Variants in SMAD6 observed in about 807,000 individuals in gnomAD.
SMAD6 encodes the protein MAD homolog 6.
A neutral mutation model predicts 39.4 loss-of-function variants in SMAD6; 103 were observed. The ratio of observed to expected loss-of-function variants is 2.62; its 90% CI spans 2.23 to 3.08. The LOEUF (loss-of-function observed/expected upper bound fraction) is 3.08. SMAD6 is among the 30% of genes most tolerant of loss of function. The pLI is 0.00. For synonymous variants in SMAD6, 445 were observed against 353.3 expected (o/e 1.26, Z -2.91); for missense variants, 1,104 against 742.9 (o/e 1.49, Z -5.65).
At position 66,703,517 on chromosome 15, in the gene SMAD6, G is replaced by T; in HGVS notation, c.259G>T (p.Gly87Trp). The change falls in exon 1 of 4, where the codon GGG (glycine) becomes TGG (tryptophan). Residue 87 changes from glycine (G) to tryptophan (W), a missense_variant. Transcript: ENST00000288840. Reference sequence around the variant, plus strand: ...GGGCGCGGGGAGGCGCCGGCGCGCAGGGGGCCCCCCGAGGCCCATGTCGGA... The same window carrying T: ...GGGCGCGGGGAGGCGCCGGCGCGCATGGGGCCCCCCGAGGCCCATGTCGGA... ...AQGAGRRRRA[G>W]GPPRPMSEPG... The T allele has an allele frequency of 3.1e-5, 38 of 1,222,274 alleles. No individual in the cohort carries two copies. Among genetic ancestry groups the T allele is most frequent in the Non-Finnish European group, 3.8e-5 (37 of 979,128 alleles). The allele number at this position is 1,222,274 out of a possible 1,614,324, so 75.7% of individuals were successfully genotyped here. A position where few individuals can be genotyped will look rare whatever the true frequency, so the allele number is the denominator to read the frequency against.
rs11554691 is a variant in SMAD6 at position 66,781,505 on chromosome 15, G to A, written c.1461G>A (p.Trp487Ter). 6.4e-7 allele frequency: 1 copy of A among 1,567,518 alleles called. No homozygotes were observed. Among genetic ancestry groups the A allele is most frequent in the Non-Finnish European group, 8.6e-7 (1 of 1,160,382 alleles). The change falls in exon 4 of 4, where the codon TGG (tryptophan) becomes TGA (stop). Residue 487 changes from tryptophan (W) to a stop codon, truncating the protein, a stop_gained. Transcript: ENST00000288840. LOFTEE classifies it high-confidence loss of function. ...AGTTCATCACCTCCTGCCCCTGCTG[G>A]CTGGAGATCCTCCTCAACAACCCCA... is the stretch of plus-strand genomic sequence containing the variant. The part of the protein sequence containing the change: ...SRQFITSCPC[W>*]LEILLNNPR
Position 66,703,520 on chromosome 15 carries a change from G to T in SMAD6, c.262G>T (p.Gly88Cys), listed in dbSNP as rs887913905. 122 of 1,221,260 alleles carry T rather than the reference G, an allele frequency of 1.0e-4. No individual in the cohort carries two copies. The highest frequency in any genetic ancestry group is 1.2e-4 in the Non-Finnish European group (121 of 978,866). The allele number at this position is 1,221,260 out of a possible 1,614,324, so 75.7% of individuals were successfully genotyped here. Reference sequence around the variant, plus strand: ...CGCGGGGAGGCGCCGGCGCGCAGGGGGCCCCCCGAGGCCCATGTCGGAGCC... The same window carrying T: ...CGCGGGGAGGCGCCGGCGCGCAGGGTGCCCCCCGAGGCCCATGTCGGAGCC... ...QGAGRRRRAG[G>C]PPRPMSEPGA... Residue 88 changes from glycine (G) to cysteine (C), a missense_variant, in exon 1 of 4, where the codon GGC becomes TGC. Transcript: ENST00000288840.
intron 3 of SMAD6, among the ~76,000 whole-genome samples, chr15:66,751,431 C>G (rs1894004342): frequency 6.6e-6 from 1 of 152,174 alleles, no homozygotes; most frequent in Non-Finnish European, 1.5e-5. Context: ...CCTTCCCTTC[C>G]AGGCTGATAG....
chr15:66,703,555 C>T lies in SMAD6; in HGVS notation c.297C>T (p.Gly99=). 1 of 1,222,520 alleles carries T rather than the reference C, an allele frequency of 8.2e-7. No individual in the cohort carries two copies. The highest frequency in any genetic ancestry group is 1.0e-6 in the Non-Finnish European group (1 of 979,590). 75.7% of individuals were successfully genotyped at this position (1,222,520 alleles called of 1,614,324 possible). A position where few individuals can be genotyped will look rare whatever the true frequency, so the allele number is the denominator to read the frequency against. Residue 99 remains glycine (G), a synonymous_variant, in exon 1 of 4, where the codon GGC becomes GGT. Coordinates refer to ENST00000288840, the MANE Select transcript of SMAD6 (RefSeq NM_005585.5). ...GGCCCATGTCGGAGCCAGGGGCCGGCGCTGGGAGCTCCCTGCTGGACGTGG... is the reference window on the plus strand; with the variant it reads ...GGCCCATGTCGGAGCCAGGGGCCGGTGCTGGGAGCTCCCTGCTGGACGTGG... ...PPRPMSEPGA[G]AGSSLLDVAE...
At position 66,703,689 on chromosome 15, in the gene SMAD6, C is replaced by T. The variant is rs574652189; in HGVS notation, c.431C>T (p.Pro144Leu). 58 of 1,252,974 alleles carry T rather than the reference C, an allele frequency of 4.6e-5. No individual in the cohort carries two copies. In the African/African-American group the frequency reaches 6.3e-4, roughly 14 times the overall value. The allele number at this position is 1,252,974 out of a possible 1,614,324, so 77.6% of individuals were successfully genotyped here. A position where few individuals can be genotyped will look rare whatever the true frequency, so the allele number is the denominator to read the frequency against. ...GGCGCGCCCCGGGACGCCAGCGACC[C>T]CCTGGCCGGGGCGGCCCTGGAGCCG... ...AAGAPRDASD[P>L]LAGAALEPAG... The change falls in exon 1 of 4, where the codon CCC becomes CTC. Residue 144 changes from proline (P) to leucine (L), a missense_variant. Pro to Leu is a moderately conservative substitution (Grantham distance 98). Transcript: ENST00000288840.
At chr15:66,711,573 G>GT (rs1302153729) in intron 1 of SMAD6, 95 bp from the exon 2 acceptor site, 1 of 981,064 alleles carries the variant, frequency 1.0e-6, no homozygotes, top group African/African-American at 1.6e-5. Flanking sequence ...TGGAGGCTGA[G>GT]TTTATTATTT....
chr15:66,752,961 CA>C (rs1250563601), intron 3 of SMAD6, among the ~76,000 whole-genome samples: 5 of 152,084 alleles, frequency 3.3e-5, no homozygotes, highest in African/African-American at 1.2e-4. Flanking sequence ...TACAGGGGGA[CA>C]AGGGTAACAT....
chr15:66,708,565 G>A (rs1313499251), intron 1 of SMAD6: 5 of 364,352 alleles, frequency 1.4e-5, no homozygotes, highest in Admixed American at 6.8e-5. Context: ...TGGTACGTCC[G>A]AAGAATGGAA....
intron 3 of SMAD6, among the ~76,000 whole-genome samples, chr15:66,732,182 C>T (rs889754213): frequency 2.0e-5 from 3 of 152,142 alleles, no homozygotes; most frequent in African/African-American, 2.4e-5. Context: ...TGGTTTCAAG[C>T]GATCTGCCCA....
At chr15:66,721,103 A>C (rs1237439831) in intron 3 of SMAD6, among the ~76,000 whole-genome samples, 1 of 152,084 alleles carries the variant, frequency 6.6e-6, no homozygotes, top group Non-Finnish European at 1.5e-5. Flanking sequence ...TGCATTGTGT[A>C]AGTTGGCAGA....
rs375094576 is a variant in SMAD6 at position 66,764,186 on chromosome 15, C to T, written c.953-16811C>T. Among the ~76,000 whole-genome samples the T allele has an allele frequency of 9.9e-5, 15 of 152,274 alleles. No individual in the cohort carries two copies. In the East Asian group the frequency reaches 1.5e-3, roughly 16 times the overall value. On this transcript the variant is annotated intron_variant, in intron 3 of 3. Transcript: ENST00000288840. Reference sequence around the variant, plus strand: ...TAGAGGTCATGCAGAGATCTGCTTTCGAGAGCAGATAAGAGCGATTTGTAA... The same window carrying T: ...TAGAGGTCATGCAGAGATCTGCTTTTGAGAGCAGATAAGAGCGATTTGTAA...
chr15:66,731,818 CA>C lies in SMAD6; in HGVS notation c.952+15321del, dbSNP rs749253741. 1.5e-4 allele frequency among the ~76,000 whole-genome samples: 23 copies of C among 152,274 alleles called. 1 individual carries two copies. Among genetic ancestry groups the C allele is most frequent in the Non-Finnish European group, 3.1e-4 (21 of 68,026 alleles). ...GCACTGCTTTCCGAAGTGGTTGTACCATTTTGCAATCCCAACAGCAGTATAT... is the reference window on the plus strand; with the variant it reads ...GCACTGCTTTCCGAAGTGGTTGTACCTTTTGCAATCCCAACAGCAGTATAT... On this transcript the variant is annotated intron_variant, in intron 3 of 3. Coordinates refer to ENST00000288840, the MANE Select transcript of SMAD6 (RefSeq NM_005585.5).
chr15:66,706,366 C>T (rs993942469), intron 1 of SMAD6: 1 of 152,314 alleles, frequency 6.6e-6, no homozygotes, highest in Non-Finnish European at 1.5e-5. Context: ...AGTCTCCTCC[C>T]TTTTCTTTGC....
chr15:66,780,894 T>C, intron 3 of SMAD6, 103 bp from the exon 4 acceptor site: 2 of 1,208,866 alleles, frequency 1.7e-6, no homozygotes, highest in African/African-American at 1.5e-5. Flanking sequence ...CTGGAAACCT[T>C]ACCCAGCTCC....
rs1436851649 is a variant in SMAD6, at chr15:66,704,043, A to T, written c.785A>T (p.Asn262Ile). 2.0e-6 allele frequency: 3 copies of T among 1,508,704 alleles called. No individual in the cohort carries two copies. Among genetic ancestry groups the T allele is most frequent in the Non-Finnish European group, 2.6e-6 (3 of 1,137,842 alleles). The allele number at this position is 1,508,704 out of a possible 1,614,324, so 93.5% of individuals were successfully genotyped here. Reference sequence around the variant, plus strand: ...GCCGACGGCCCTACCGTGTGCTGCAACCCCTACCACTTCAGCCGGCTCTGC... The same window carrying T: ...GCCGACGGCCCTACCGTGTGCTGCATCCCCTACCACTTCAGCCGGCTCTGC... ...AAADGPTVCCNPYHFSRLCGP... is the reference protein window; with the variant it reads ...AAADGPTVCCIPYHFSRLCGP... The change falls in exon 1 of 4, where the codon AAC becomes ATC. Residue 262 changes from asparagine (N) to isoleucine (I), a missense_variant. Asn to Ile is a moderately radical substitution (Grantham distance 149, BLOSUM62 -3). Coordinates refer to ENST00000288840, the MANE Select transcript of SMAD6 (RefSeq NM_005585.5).
At chr15:66,707,795 C>G (rs920499865) in intron 1 of SMAD6, 20 of 152,536 alleles carry the variant, frequency 1.3e-4, no homozygotes, top group African/African-American at 4.6e-4. Flanking sequence ...CCATCCACAG[C>G]CCCTCTTTGG....
Position 66,703,819 on chromosome 15 carries a change from G to C in SMAD6, c.561G>C (p.Ser187=). The change falls in exon 1 of 4, where the codon TCG becomes TCC. Residue 187 remains serine, a synonymous_variant. Coordinates refer to ENST00000288840, the MANE Select transcript of SMAD6 (RefSeq NM_005585.5). ...YSLLKRLKER[S]LDTLLEAVES... is the part of the protein sequence containing the mutation. Reference sequence around the variant, plus strand: ...TGCTGAAGCGGCTCAAGGAGCGCTCGCTGGACACGCTGCTGGAGGCGGTGG... The same window carrying C: ...TGCTGAAGCGGCTCAAGGAGCGCTCCCTGGACACGCTGCTGGAGGCGGTGG... 1.4e-6 allele frequency: 2 copies of C among 1,420,970 alleles called. No homozygotes were observed. Among genetic ancestry groups the C allele is most frequent in the South Asian group, 1.4e-5 (1 of 70,682 alleles). 88.0% of individuals were successfully genotyped at this position (1,420,970 alleles called of 1,614,324 possible). A position where few individuals can be genotyped will look rare whatever the true frequency, so the allele number is the denominator to read the frequency against.
In SMAD6 at chr15:66,712,688, CAAAAAA is replaced by C. The variant is rs775687604; in HGVS notation, c.874+982_874+987del. ...CGACAGAGTGAGTGAAATTCTGTCT[CAAAAAA>C]AAAAAAAAAAAAAAAAAGAGTAGAG... is the stretch of plus-strand genomic sequence containing the variant. On this transcript the variant is annotated intron_variant, in intron 2 of 3. Transcript: ENST00000288840. 2.0e-4 allele frequency among the ~76,000 whole-genome samples: 10 copies of C among 49,372 alleles called. No individual in the cohort carries two copies. The East Asian group carries it at 3.1e-3, about 16-fold the overall frequency. The allele number at this position is 49,372 out of a possible 152,430, so 32.4% of individuals were successfully genotyped here.
At chr15:66,769,442 G>A (rs987311966) in intron 3 of SMAD6, among the ~76,000 whole-genome samples, 1 of 152,170 alleles carries the variant, frequency 6.6e-6, no homozygotes, top group Non-Finnish European at 1.5e-5. Flanking sequence ...TCCATCATCT[G>A]TAGTCTCAGG....
Sources: allele counts gnomAD v4.1 joint callset (sites outside exome capture counted in the v4.1 genomes callset), GRCh38; gene constraint gnomAD v4.1.1; transcripts MANE v1.5; gene names NCBI Gene and HGNC (gene_info 2026-07-23, HGNC 2026-07-21).